Variants in ATXN7L1 observed in about 807,000 individuals in gnomAD.
ATXN7L1 encodes the protein ataxin 7 like 1.
ATXN7L1 carries 15 observed loss-of-function variants against 70.8 expected under a neutral mutation model. That is an observed-to-expected ratio of 0.21 (90% CI 0.14 to 0.33). ATXN7L1 has a LOEUF of 0.33. Among genes scored for constraint, ATXN7L1 ranks in the 10% least tolerant of loss-of-function variants. ATXN7L1 has a pLI of 1.00. For missense variants in ATXN7L1, 975 were observed against 1,097.1 expected (o/e 0.89, Z 1.57); for synonymous variants, 440 against 445.1 (o/e 0.99, Z 0.14).
At chr7:105,808,584 A>G (rs1209444012) in intron 2 of ATXN7L1, among the ~76,000 whole-genome samples, 1 of 152,250 alleles carries the variant, frequency 6.6e-6, no homozygotes, top group African/African-American at 2.4e-5. Context: ...CAGCACCTAA[A>G]ATGCCTAAGC....
At chr7:105,793,072 A>AGTAT (rs1451851863) in intron 2 of ATXN7L1, among the ~76,000 whole-genome samples, 1 of 152,186 alleles carries the variant, frequency 6.6e-6, no homozygotes, top group African/African-American at 2.4e-5. Context: ...GGATACTCTG[A>AGTAT]CTCTAAAGCC....
rs115777586 is a variant in ATXN7L1, at chr7:105,734,528, A to T, written c.355+54076T>A. 8.2e-3 allele frequency among the ~76,000 whole-genome samples: 1,250 copies of T among 152,298 alleles called. 11 individuals carry two copies. The highest frequency in any genetic ancestry group is 0.028 in the African/African-American group (1,167 of 41,566). On this transcript the variant is annotated intron_variant, in intron 3 of 11. Transcript: ENST00000419735. ...AAGTAGACCATCAATAATCTTTGGTAAACATCTGACTCAAGCGTGCACCAG... is the reference window on the plus strand; with the variant it reads ...AAGTAGACCATCAATAATCTTTGGTTAACATCTGACTCAAGCGTGCACCAG...
chr7:105,867,044 T>C (rs1252734814), intron 2 of ATXN7L1, among the ~76,000 whole-genome samples: 1 of 152,072 alleles, frequency 6.6e-6, no homozygotes, highest in Non-Finnish European at 1.5e-5. Flanking sequence ...CAGAAACAAA[T>C]CTGCCTAACT....
At chr7:105,678,264 A>G (rs1407560271) in intron 3 of ATXN7L1, among the ~76,000 whole-genome samples, 3 of 152,070 alleles carry the variant, frequency 2.0e-5, no homozygotes, top group African/African-American at 7.2e-5. Flanking sequence ...CAAAGGGTCT[A>G]TTTTCCTGCC....
chr7:105,865,404 CT>C (rs111371346), intron 2 of ATXN7L1, among the ~76,000 whole-genome samples: 28,238 of 144,830 alleles, frequency 0.19, 2,769 homozygotes, highest in South Asian at 0.4. Flanking sequence ...ACCATTTTAA[CT>C]TTTTTTTTTT....
chr7:105,806,792 A>G (rs1807687009), intron 2 of ATXN7L1, among the ~76,000 whole-genome samples: 1 of 152,206 alleles, frequency 6.6e-6, no homozygotes, highest in Non-Finnish European at 1.5e-5. Flanking sequence ...ACAGAGTCAG[A>G]GGCACAGAGA....
At chr7:105,694,175 G>A (rs762959930) in intron 3 of ATXN7L1, among the ~76,000 whole-genome samples, 1 of 151,984 alleles carries the variant, frequency 6.6e-6, no homozygotes, top group Non-Finnish European at 1.5e-5. Flanking sequence ...AGCCTCCCCA[G>A]TATCTGGGTC....
chr7:105,717,361 C>T (rs945339858), intron 3 of ATXN7L1, among the ~76,000 whole-genome samples: 2 of 152,116 alleles, frequency 1.3e-5, no homozygotes, highest in Non-Finnish European at 2.9e-5. Context: ...CTCCCGACCT[C>T]GTGATCTGCC....
intron 2 of ATXN7L1, among the ~76,000 whole-genome samples, chr7:105,855,847 T>C (rs1815644351): frequency 1.3e-5 from 2 of 152,240 alleles, no homozygotes; most frequent in South Asian, 2.1e-4. Context: ...TTAGGTATTA[T>C]AAGTAATCTA....
chr7:105,819,865 G>A, intron 2 of ATXN7L1: 1 of 597,006 alleles, frequency 1.7e-6, no homozygotes, highest in East Asian at 4.2e-5. Flanking sequence ...TGCCCTCAAG[G>A]TCATGCATCT....
chr7:105,627,654 C>A (rs1795914052), intron 7 of ATXN7L1, among the ~76,000 whole-genome samples: 1 of 151,572 alleles, frequency 6.6e-6, no homozygotes, highest in Non-Finnish European at 1.5e-5. Flanking sequence ...GCCTTAGCAT[C>A]CCGAGTAGCT....
chr7:105,806,477 A>G (rs1585048696), intron 2 of ATXN7L1, among the ~76,000 whole-genome samples: 1 of 152,258 alleles, frequency 6.6e-6, no homozygotes, highest in Non-Finnish European at 1.5e-5. Context: ...GACTGAGGAC[A>G]TATGGGGAGG....
intron 3 of ATXN7L1, among the ~76,000 whole-genome samples, chr7:105,684,661 A>G (rs1052718713): frequency 2.0e-5 from 3 of 152,344 alleles, no homozygotes; most frequent in South Asian, 4.1e-4. Context: ...ATTCATTAAC[A>G]TAATCTGCTC....
chr7:105,697,486 ACT>A (rs773820979), intron 3 of ATXN7L1, among the ~76,000 whole-genome samples: 19 of 152,158 alleles, frequency 1.2e-4, no homozygotes, highest in Non-Finnish European at 2.4e-4. Flanking sequence ...TATCTCTCTT[ACT>A]CTCTGAACAA....
intron 10 of ATXN7L1, among the ~76,000 whole-genome samples, chr7:105,611,279 C>T (rs1440848165): frequency 6.6e-6 from 1 of 152,236 alleles, no homozygotes; most frequent in African/African-American, 2.4e-5. Flanking sequence ...CTAACCAGTC[C>T]CTGTCTAGTC....
In ATXN7L1 at chr7:105,733,581, C is replaced by T. The variant is rs865794443; in HGVS notation, c.355+55023G>A. On this transcript the variant is annotated intron_variant, in intron 3 of 11. Coordinates refer to ENST00000419735, the MANE Select transcript of ATXN7L1 (RefSeq NM_020725.2). The stretch of plus-strand genomic sequence containing the variant: ...ACCCATCCATCCTTCCATCCATCCA[C>T]CCATCCATCCATCCATCCATCCACC... Among the ~76,000 whole-genome samples the T allele has an allele frequency of 2.9e-3, 59 of 20,094 alleles. 5 individuals are homozygous for T. Among genetic ancestry groups the T allele is most frequent in the Admixed American group, 4.6e-3 (9 of 1,940 alleles). The allele number at this position is 20,094 out of a possible 152,430, so 13.2% of individuals were successfully genotyped here.
At chr7:105,871,967 T>C (rs73193846) in intron 2 of ATXN7L1, among the ~76,000 whole-genome samples, 25,330 of 151,998 alleles carry the variant, frequency 0.17, 2,476 homozygotes, top group South Asian at 0.39. Flanking sequence ...TCTGAAGTTG[T>C]GGCCAGATAG....
rs1462883318 is a variant in ATXN7L1 at position 105,808,273 on chromosome 7, T to C, written c.251-19565A>G. 2.6e-5 allele frequency among the ~76,000 whole-genome samples: 4 copies of C among 152,294 alleles called. No individual in the cohort carries two copies. The East Asian group carries it at 7.7e-4, about 29-fold the overall frequency. The stretch of plus-strand genomic sequence containing the variant: ...CACTGATGTGAAAGGAAAAAGATAA[T>C]TTCTCTAGTGAGCCCTACTGCAAAG... On this transcript the variant is annotated intron_variant, in intron 2 of 11. Transcript: ENST00000419735.
rs754290651 is a variant in ATXN7L1 at position 105,613,877 on chromosome 7, G to A, written c.2457C>T (p.Ser819=). The A allele has an allele frequency of 2.6e-6, 4 of 1,552,014 alleles. No homozygotes were observed. The highest frequency in any genetic ancestry group is 3.5e-6 in the Non-Finnish European group (4 of 1,147,052). ...GGTCCCTTACCTGCCGAGAGGAGGT[G>A]CTGTTAACGGGATCGGGCACCGGTG... The part of the protein sequence containing the change: ...LLAPVPDPVN[S]TSSRQVGKNS... Residue 819 remains serine, a synonymous_variant, in exon 10 of 12, where the codon AGC becomes AGT. Coordinates refer to ENST00000419735, the MANE Select transcript of ATXN7L1 (RefSeq NM_020725.2).
Sources: gnomAD v4.1 joint callset for allele counts (sites outside exome capture counted in the v4.1 genomes callset) on GRCh38, gnomAD v4.1.1 for gene constraint, MANE v1.5 for transcripts, NCBI Gene and HGNC (gene_info 2026-07-23, HGNC 2026-07-21) for gene names.